Variants in STAT4 observed in about 807,000 individuals in gnomAD.
STAT4 encodes signal transducer and activator of transcription 4.
STAT4 carries 42 observed loss-of-function variants against 110.5 expected under a neutral mutation model. The ratio of observed to expected loss-of-function variants is 0.38; its 90% CI spans 0.30 to 0.49. The LOEUF (loss-of-function observed/expected upper bound fraction) is 0.49. Ranked by LOEUF, STAT4 falls within the 20% of genes least tolerant of loss-of-function variation. The probability of loss-of-function intolerance (pLI) is 0.95; values close to 1 mark genes in which losing one functional copy is unlikely to be tolerated. For missense variants in STAT4, 632 were observed against 887.9 expected (o/e 0.71, Z 3.66); for synonymous variants, 284 against 302.2 (o/e 0.94, Z 0.63).
At chr2:191,069,662 A>T (rs1231698007) in intron 6 of STAT4, 31 bp downstream of exon 6, 1 of 1,540,876 alleles carries the variant, frequency 6.5e-7, no homozygotes, top group Non-Finnish European at 8.9e-7. Context: ...TTTTGTCTCT[A>T]TGCATAATTA....
intron 5 of STAT4, 129 bp from the exon 6 acceptor site, chr2:191,069,900 C>A: frequency 7.6e-6 from 5 of 657,308 alleles, no homozygotes; most frequent in Non-Finnish European, 1.0e-5. Context: ...CCATAATGAA[C>A]GCACGCTTCT....
At chr2:191,131,063 C>T (rs1402736108) in intron 3 of STAT4, among the ~76,000 whole-genome samples, 1 of 151,602 alleles carries the variant, frequency 6.6e-6, no homozygotes, top group African/African-American at 2.4e-5. Flanking sequence ...GATCCATGAC[C>T]ATAACAAGTG....
rs1322663553 is a variant in STAT4 at position 191,061,060 on chromosome 2, C to T, written c.1034+669G>A. On this transcript the variant is annotated intron_variant, in intron 10 of 23. Transcript: ENST00000392320. This position sits in a 1 kb window ranked among gnomAD's most constrained non-coding sequence, Gnocchi z 6.2. Reference sequence around the variant, plus strand: ...GAACCTTTGAAAGTAAGAACTCAAACTCATTGTTCTCAGCATCATTAGGGA... The same window carrying T: ...GAACCTTTGAAAGTAAGAACTCAAATTCATTGTTCTCAGCATCATTAGGGA... 6.6e-6 allele frequency among the ~76,000 whole-genome samples: 1 copy of T among 152,180 alleles called. No individual in the cohort carries two copies. The highest frequency in any genetic ancestry group is 1.5e-5 in the Non-Finnish European group (1 of 68,042).
rs1333172736 is a variant in STAT4, at chr2:191,138,474, C to G, written c.273+8139G>C. Among the ~76,000 whole-genome samples the G allele has an allele frequency of 6.6e-6, 1 of 152,068 alleles. No homozygotes were observed. The highest frequency in any genetic ancestry group is 2.4e-5 in the African/African-American group (1 of 41,428). On this transcript the variant is annotated intron_variant, in intron 3 of 23. Transcript: ENST00000392320. This position sits in a 1 kb window ranked among gnomAD's most constrained non-coding sequence, Gnocchi z 4.3. ...AAAGATTAGCTAAGGCTATTATGAA[C>G]ACTTTTATGTGCACAAACTAGGAAA...
At chr2:191,081,753 A>T (rs192847288) in intron 3 of STAT4, among the ~76,000 whole-genome samples, 71 of 152,306 alleles carry the variant, frequency 4.7e-4, no homozygotes, top group Non-Finnish European at 6.8e-4. Context: ...CAGCAGTTAG[A>T]CATAAGATCA....
intron 3 of STAT4, among the ~76,000 whole-genome samples, chr2:191,120,261 G>T (rs1253476558): frequency 6.6e-6 from 1 of 152,076 alleles, no homozygotes; most frequent in Non-Finnish European, 1.5e-5. Context: ...AAAAGGTAAG[G>T]CACAGTGCAG....
At chr2:191,055,525 C>A (rs1696663968) in intron 13 of STAT4, among the ~76,000 whole-genome samples, 1 of 148,800 alleles carries the variant, frequency 6.7e-6, no homozygotes, top group Admixed American at 6.7e-5. Flanking sequence ...GGCTAATTTT[C>A]TGTATTTTTA....
At chr2:191,074,179 C>CT (rs1697246554) in intron 4 of STAT4, among the ~76,000 whole-genome samples, 1 of 152,170 alleles carries the variant, frequency 6.6e-6, no homozygotes, top group Admixed American at 6.5e-5. Flanking sequence ...CTCTAATAAT[C>CT]TGATACTGGG....
rs1331775105 is a variant in STAT4, at chr2:191,043,613, A to G, written c.1252-2465T>C. ...TATATATAGGTCAAAGATTTTTTGC[A>G]CTCATTAAAAAAAAAAGACATGTAG... On this transcript the variant is annotated intron_variant, in intron 14 of 23. Coordinates refer to ENST00000392320, the MANE Select transcript of STAT4 (RefSeq NM_003151.4). The surrounding 1 kb of genome is among the most constrained non-coding windows in gnomAD (Gnocchi z 4.8). 6.6e-6 allele frequency among the ~76,000 whole-genome samples: 1 copy of G among 152,002 alleles called. No individual in the cohort carries two copies. Among genetic ancestry groups the G allele is most frequent in the Non-Finnish European group, 1.5e-5 (1 of 67,988 alleles).
chr2:191,090,698 C>T lies in STAT4; in HGVS notation c.274-14373G>A, dbSNP rs1444496309. Among the ~76,000 whole-genome samples, 2 of 152,048 alleles carry T rather than the reference C, an allele frequency of 1.3e-5. No homozygotes were observed. The highest frequency in any genetic ancestry group is 2.9e-5 in the Non-Finnish European group (2 of 67,976). On this transcript the variant is annotated intron_variant, in intron 3 of 23. Coordinates refer to ENST00000392320, the MANE Select transcript of STAT4 (RefSeq NM_003151.4). The surrounding 1 kb of genome is among the most constrained non-coding windows in gnomAD (Gnocchi z 4.2). ...GCCTCAGCCTCCCGAGCAGCTGGGA[C>T]TAGAGGCACCCGCCACCATGCCCGG...
Position 191,039,140 on chromosome 2 carries a change from T to C in STAT4, c.1434+59A>G. 6.7e-7 allele frequency: 1 copy of C among 1,488,390 alleles called. No homozygotes were observed. The highest frequency in any genetic ancestry group is 1.1e-5 in the South Asian group (1 of 88,328). The allele number at this position is 1,488,390 out of a possible 1,614,324, so 92.2% of individuals were successfully genotyped here. ...ACACATGTTTTGATGCAGATGTGTT[T>C]GTTGGCAATAAAACAAATCGAATAG... is the stretch of plus-strand genomic sequence containing the variant. On this transcript the variant is annotated intron_variant, in intron 16 of 23. Coordinates refer to ENST00000392320, the MANE Select transcript of STAT4 (RefSeq NM_003151.4). The surrounding 1 kb of genome is among the most constrained non-coding windows in gnomAD (Gnocchi z 4.7).
chr2:191,137,929 C>T (rs933364628), intron 3 of STAT4, among the ~76,000 whole-genome samples: 1 of 152,112 alleles, frequency 6.6e-6, no homozygotes, highest in Non-Finnish European at 1.5e-5. Context: ...AAGGAAAATG[C>T]TTCAGGACAT....
At chr2:191,057,073 G>A (rs11893508) in intron 13 of STAT4, among the ~76,000 whole-genome samples, 117,617 of 152,192 alleles carry the variant, frequency 0.77, 50,114 homozygotes, top group Non-Finnish European at 0.94. Flanking sequence ...GTGAGCCACC[G>A]TGCCCGGCCC....
At position 191,083,612 on chromosome 2, in the gene STAT4, T is replaced by G. The variant is rs983218323; in HGVS notation, c.274-7287A>C. 6.6e-6 allele frequency among the ~76,000 whole-genome samples: 1 copy of G among 152,210 alleles called. No homozygotes were observed. Among genetic ancestry groups the G allele is most frequent in the Non-Finnish European group, 1.5e-5 (1 of 68,040 alleles). ...TGGTATCTCTGGGATATGAAGCATT[T>G]GTCTCCATTTACAGAGTAAAATATT... On this transcript the variant is annotated intron_variant, in intron 3 of 23. Transcript: ENST00000392320. The surrounding 1 kb of genome is among the most constrained non-coding windows in gnomAD (Gnocchi z 4.6).
At chr2:191,067,335 G>A (rs933227402) in intron 6 of STAT4, among the ~76,000 whole-genome samples, 1 of 151,924 alleles carries the variant, frequency 6.6e-6, no homozygotes, top group African/African-American at 2.4e-5. Flanking sequence ...TGAAGTGCTC[G>A]GAAGCTCCCT....
In STAT4 at chr2:191,062,750, C is replaced by A. The variant is rs1696885489; in HGVS notation, c.941+12G>T. On this transcript the variant is annotated intron_variant, in intron 9 of 23. Coordinates refer to ENST00000392320, the MANE Select transcript of STAT4 (RefSeq NM_003151.4). This position sits in a 1 kb window ranked among gnomAD's most constrained non-coding sequence, Gnocchi z 4.9. Reference sequence around the variant, plus strand: ...ACAGAATGGAGGATGCCATTGATAGCACTTCACTTACTTCTTGAAAAGGTT... The same window carrying A: ...ACAGAATGGAGGATGCCATTGATAGAACTTCACTTACTTCTTGAAAAGGTT... 1 of 1,612,896 alleles carries A rather than the reference C, an allele frequency of 6.2e-7. No individual in the cohort carries two copies. Among genetic ancestry groups the A allele is most frequent in the Admixed American group, 1.7e-5 (1 of 59,860 alleles).
chr2:191,121,708 G>A (rs2125391912), intron 3 of STAT4, among the ~76,000 whole-genome samples: 1 of 148,472 alleles, frequency 6.7e-6, no homozygotes, highest in African/African-American at 2.5e-5. Flanking sequence ...ACTCATAGGT[G>A]GGAATCGAAA....
Position 191,144,947 on chromosome 2 carries a change from C to G in STAT4, c.273+1666G>C, listed in dbSNP as rs1486276821. On this transcript the variant is annotated intron_variant, in intron 3 of 23. Coordinates refer to ENST00000392320, the MANE Select transcript of STAT4 (RefSeq NM_003151.4). The surrounding 1 kb of genome is among the most constrained non-coding windows in gnomAD (Gnocchi z 4.7). ...TGAGAGTCAGATTTTTAACCCAGAC[C>G]TTCTTGGTTCCAAAGACCATGCATC... Among the ~76,000 whole-genome samples, 1 of 152,084 alleles carries G rather than the reference C, an allele frequency of 6.6e-6. No individual in the cohort carries two copies. The highest frequency in any genetic ancestry group is 2.4e-5 in the African/African-American group (1 of 41,404).
chr2:191,049,465 C>T (rs1158836735), intron 14 of STAT4, among the ~76,000 whole-genome samples: 1 of 152,010 alleles, frequency 6.6e-6, no homozygotes, highest in Admixed American at 6.6e-5. Context: ...CGTGAGCCAC[C>T]ATGCCTGGCC....
Sources: allele counts gnomAD v4.1 joint callset (sites outside exome capture counted in the v4.1 genomes callset), GRCh38; gene constraint gnomAD v4.1.1; non-coding constraint Gnocchi (gnomAD v3.1); transcripts MANE v1.5; gene names NCBI Gene and HGNC (gene_info 2026-07-23, HGNC 2026-07-21).